The following COL8A1 variants were observed in gnomAD, a reference collection of about 807,000 sequenced individuals.
COL8A1 encodes the protein collagen alpha-1(VIII) chain.
A neutral mutation model predicts 42.7 loss-of-function variants in COL8A1; 21 were observed. The ratio of observed to expected loss-of-function variants is 0.49; its 90% CI spans 0.35 to 0.71. The LOEUF (loss-of-function observed/expected upper bound fraction) is 0.71. Ranked by LOEUF, COL8A1 falls within the 30% of genes least tolerant of loss-of-function variation. COL8A1 has a pLI of 0.01. For synonymous variants in COL8A1, 367 were observed against 369.1 expected (o/e 0.99, Z 0.06); for missense variants, 788 against 962.4 (o/e 0.82, Z 2.40).
chr3:99,642,686 C>A (rs1480446441), intron 1 of COL8A1, among the ~76,000 whole-genome samples: 1 of 152,132 alleles, frequency 6.6e-6, no homozygotes, highest in Non-Finnish European at 1.5e-5. Flanking sequence ...GTGACATTTC[C>A]TTTGTTCTTT....
At chr3:99,740,814 A>G (rs1173136446) in intron 1 of COL8A1, among the ~76,000 whole-genome samples, 1 of 152,230 alleles carries the variant, frequency 6.6e-6, no homozygotes, top group Non-Finnish European at 1.5e-5. Flanking sequence ...AGAATTAACA[A>G]AGGAAAAATA....
At chr3:99,718,952 G>A (rs1940076566) in intron 1 of COL8A1, among the ~76,000 whole-genome samples, 1 of 151,852 alleles carries the variant, frequency 6.6e-6, no homozygotes, top group Non-Finnish European at 1.5e-5. Flanking sequence ...ATTAAATATT[G>A]AACAAAAATA....
chr3:99,723,475 C>T (rs1044923655), intron 1 of COL8A1, among the ~76,000 whole-genome samples: 3 of 152,076 alleles, frequency 2.0e-5, no homozygotes, highest in Admixed American at 6.6e-5. Context: ...AAACAAAACT[C>T]ACCAAAGTAA....
intron 1 of COL8A1, among the ~76,000 whole-genome samples, chr3:99,645,563 A>G (rs1457743500): frequency 1.3e-5 from 2 of 152,100 alleles, no homozygotes; most frequent in East Asian, 3.9e-4. Flanking sequence ...GGGTGTCTCA[A>G]TAGAAACTGA....
chr3:99,796,800 G>A lies in COL8A1; in HGVS notation c.*664G>A, dbSNP rs564224296. On this transcript the variant is annotated 3_prime_UTR_variant, in exon 4 of 4. Coordinates refer to ENST00000652472, the MANE Select transcript of COL8A1 (RefSeq NM_020351.4). ...AATGGGTGAACCAATCGGCCTTTGT[G>A]AATTTATTCAGTGCCTTCTCTGTAC... 6 of 152,298 alleles carry A rather than the reference G, an allele frequency of 3.9e-5. No individual in the cohort carries two copies. The East Asian group carries it at 9.6e-4, about 24-fold the overall frequency. The allele number at this position is 152,298 out of a possible 1,614,324, so 9.4% of individuals were successfully genotyped here.
At chr3:99,680,710 T>C (rs1938848779) in intron 1 of COL8A1, among the ~76,000 whole-genome samples, 1 of 152,186 alleles carries the variant, frequency 6.6e-6, no homozygotes, top group African/African-American at 2.4e-5. Flanking sequence ...AGATGGTATC[T>C]CATTGTGGTT....
In COL8A1 at chr3:99,792,516, C is replaced by T. The variant is rs150503119; in HGVS notation, c.328+1506C>T. Among the ~76,000 whole-genome samples the T allele has an allele frequency of 4.6e-3, 704 of 152,320 alleles. 2 individuals are homozygous for T. The highest frequency in any genetic ancestry group is 7.3e-3 in the South Asian group (35 of 4,820). ...GCACAGCATGTTCATTATAACAGCA[C>T]GTGCTGTGTATTTCAATAACAATTT... is the stretch of plus-strand genomic sequence containing the variant. On this transcript the variant is annotated intron_variant, in intron 3 of 3. Coordinates refer to ENST00000652472, the MANE Select transcript of COL8A1 (RefSeq NM_020351.4).
At chr3:99,672,177 A>G (rs1049407377) in intron 1 of COL8A1, among the ~76,000 whole-genome samples, 7 of 152,068 alleles carry the variant, frequency 4.6e-5, no homozygotes, top group African/African-American at 1.7e-4. Flanking sequence ...CAGAGCAGTA[A>G]GAATTAATTA....
chr3:99,658,110 A>C lies in COL8A1; in HGVS notation c.-129+19446A>C, dbSNP rs558191964. Among the ~76,000 whole-genome samples, 22 of 146,770 alleles carry C rather than the reference A, an allele frequency of 1.5e-4. No homozygotes were observed. The South Asian group carries it at 4.8e-3, about 32-fold the overall frequency. On this transcript the variant is annotated intron_variant, in intron 1 of 3. Coordinates refer to ENST00000652472, the MANE Select transcript of COL8A1 (RefSeq NM_020351.4). Reference sequence around the variant, plus strand: ...CCACTGCACCCCAGAGCAAGACTCCATCTCAAAAAAACAAAAAACAAAAAA... The same window carrying C: ...CCACTGCACCCCAGAGCAAGACTCCCTCTCAAAAAAACAAAAAACAAAAAA...
intron 1 of COL8A1, chr3:99,691,254 A>G (rs901235831): frequency 2.0e-5 from 3 of 152,210 alleles, no homozygotes; most frequent in African/African-American, 7.2e-5. Flanking sequence ...TGTCATCCTC[A>G]AATGGCTTTT....
intron 2 of COL8A1, among the ~76,000 whole-genome samples, chr3:99,746,346 C>T (rs1466486658): frequency 1.3e-5 from 2 of 152,012 alleles, no homozygotes; most frequent in South Asian, 2.1e-4. Context: ...TTATAGGACT[C>T]GTGGATATTA....
chr3:99,787,347 ATGAC>A (rs1296278360), intron 2 of COL8A1, among the ~76,000 whole-genome samples: 2 of 152,234 alleles, frequency 1.3e-5, no homozygotes, highest in Non-Finnish European at 2.9e-5. Flanking sequence ...ACATGAATGA[ATGAC>A]TGCCTTGGTT....
At chr3:99,737,216 C>A (rs1354044743) in intron 1 of COL8A1, among the ~76,000 whole-genome samples, 1 of 152,028 alleles carries the variant, frequency 6.6e-6, no homozygotes, top group South Asian at 2.1e-4. Flanking sequence ...TTAATTGGAG[C>A]ATTTAGTCCA....
At chr3:99,787,637 T>C (rs1399188719) in intron 2 of COL8A1, among the ~76,000 whole-genome samples, 1 of 152,172 alleles carries the variant, frequency 6.6e-6, no homozygotes, top group Non-Finnish European at 1.5e-5. Context: ...GAGATTATAA[T>C]TGCTATTTTA....
At chr3:99,673,953 T>C (rs1449466434) in intron 1 of COL8A1, among the ~76,000 whole-genome samples, 2 of 152,074 alleles carry the variant, frequency 1.3e-5, no homozygotes, top group Non-Finnish European at 2.9e-5. Flanking sequence ...TTTAGAATAG[T>C]TCCCCATACA....
At position 99,737,415 on chromosome 3, in the gene COL8A1, C is replaced by A. The variant is rs1277113237; in HGVS notation, c.-128-7482C>A. On this transcript the variant is annotated intron_variant, in intron 1 of 3. Transcript: ENST00000652472. ...GCTTCCTTCAGGAGCTCTTTTAGGGCAGGCCTGGTGGTGACAAAATCTCCA... is the reference window on the plus strand; with the variant it reads ...GCTTCCTTCAGGAGCTCTTTTAGGGAAGGCCTGGTGGTGACAAAATCTCCA... 5.3e-5 allele frequency among the ~76,000 whole-genome samples: 8 copies of A among 152,138 alleles called. No homozygotes were observed. In the South Asian group the frequency reaches 6.2e-4, roughly 12 times the overall value.
chr3:99,712,169 T>A (rs993530892), intron 1 of COL8A1, among the ~76,000 whole-genome samples: 1 of 152,174 alleles, frequency 6.6e-6, no homozygotes, highest in African/African-American at 2.4e-5. Flanking sequence ...AAATCAGGTG[T>A]TATTATCCTC....
At chr3:99,726,567 G>A (rs1198458593) in intron 1 of COL8A1, among the ~76,000 whole-genome samples, 3 of 151,928 alleles carry the variant, frequency 2.0e-5, no homozygotes, top group African/African-American at 7.2e-5. Flanking sequence ...AGTCTTTAAT[G>A]CATCTTGAAT....
At chr3:99,685,305 C>T (rs1252532389) in intron 1 of COL8A1, 1 of 152,100 alleles carries the variant, frequency 6.6e-6, no homozygotes, top group African/African-American at 2.4e-5. Flanking sequence ...CTTCCAAATG[C>T]CATACATTTC....
Sources: gnomAD v4.1 joint callset for allele counts (sites outside exome capture counted in the v4.1 genomes callset) on GRCh38, gnomAD v4.1.1 for gene constraint, MANE v1.5 for transcripts, NCBI Gene and HGNC (gene_info 2026-07-23, HGNC 2026-07-21) for gene names.